FLVCR1: variants seen among roughly 807,000 people sequenced by gnomAD.
FLVCR1 encodes FLVCR choline and heme transporter 1, also known as choline/ethanolamine transporter FLVCR1.
Under a neutral mutation model 53.6 loss-of-function variants are expected in FLVCR1, and 34 were observed. The observed-to-expected ratio is 0.63, with a 90% CI of 0.48 to 0.84. The LOEUF (loss-of-function observed/expected upper bound fraction) is 0.84, where lower values mean the gene tolerates loss of function less well. Ranked by LOEUF, FLVCR1 falls within the 40% of genes least tolerant of loss-of-function variation. The pLI is 0.00. For missense variants in FLVCR1, 677 were observed against 696.7 expected (o/e 0.97, Z 0.32); for synonymous variants, 300 against 286.3 (o/e 1.05, Z -0.48).
At position 212,858,394 on chromosome 1, in the gene FLVCR1, G is replaced by A; in HGVS notation, c.-59G>A. ...CCAGGAGGACCTCGGGCTGTGGGCC[G>A]GGAGAGCGGAGTCGGGGAGTGGGGC... is the stretch of plus-strand genomic sequence containing the variant. On this transcript the variant is annotated 5_prime_UTR_variant, in exon 1 of 10. Coordinates refer to ENST00000366971, the MANE Select transcript of FLVCR1 (RefSeq NM_014053.4). 4 of 1,395,392 alleles carry A rather than the reference G, an allele frequency of 2.9e-6. No individual in the cohort carries two copies. The highest frequency in any genetic ancestry group is 1.5e-5 in the South Asian group (1 of 66,084). The allele number at this position is 1,395,392 out of a possible 1,614,324, so 86.4% of individuals were successfully genotyped here.
chr1:212,888,923 C>T (rs998810327), intron 7 of FLVCR1, among the ~76,000 whole-genome samples: 1 of 152,042 alleles, frequency 6.6e-6, no homozygotes, highest in Non-Finnish European at 1.5e-5. Context: ...CTCCTGGGCT[C>T]AAGCAATTCG....
chr1:212,858,276 G>C lies in FLVCR1; in HGVS notation c.-177G>C, dbSNP rs1172474668. On this transcript the variant is annotated 5_prime_UTR_variant, in exon 1 of 10. Coordinates refer to ENST00000366971, the MANE Select transcript of FLVCR1 (RefSeq NM_014053.4). Reference sequence around the variant, plus strand: ...GACTGCCGCGCGGCGCGGGGGAGGAGACCTTCATCTGTTCACGCGGTAGCG... The same window carrying C: ...GACTGCCGCGCGGCGCGGGGGAGGACACCTTCATCTGTTCACGCGGTAGCG... 10 of 614,222 alleles carry C rather than the reference G, an allele frequency of 1.6e-5. No homozygotes were observed. Among genetic ancestry groups the C allele is most frequent in the Admixed American group, 1.4e-4 (4 of 28,012 alleles). The allele number at this position is 614,222 out of a possible 1,614,324, so 38.0% of individuals were successfully genotyped here.
At chr1:212,860,399 G>A (rs1273071660) in intron 1 of FLVCR1, among the ~76,000 whole-genome samples, 2 of 120,022 alleles carry the variant, frequency 1.7e-5, no homozygotes, top group Non-Finnish European at 3.3e-5. Flanking sequence ...TGTTGCTCAT[G>A]CTTGTCTCGA....
chr1:212,874,903 C>G (rs1211609485), intron 3 of FLVCR1, among the ~76,000 whole-genome samples: 3 of 117,402 alleles, frequency 2.6e-5, no homozygotes, highest in Non-Finnish European at 5.5e-5. Context: ...TATAACCAAC[C>G]CTGTCACAGA....
At chr1:212,871,614 G>C (rs1472301788) in intron 2 of FLVCR1, among the ~76,000 whole-genome samples, 1 of 151,994 alleles carries the variant, frequency 6.6e-6, no homozygotes, top group Admixed American at 6.6e-5. Flanking sequence ...AGACAGTCTT[G>C]TACAAGTGAT....
intron 3 of FLVCR1, among the ~76,000 whole-genome samples, chr1:212,875,216 C>T (rs922803647): frequency 7.2e-5 from 11 of 152,176 alleles, no homozygotes; most frequent in African/African-American, 2.7e-4. Flanking sequence ...GGAAATTGAT[C>T]ATCTAATTGG....
chr1:212,881,390 G>A (rs1020680121), intron 3 of FLVCR1, among the ~76,000 whole-genome samples: 9 of 147,800 alleles, frequency 6.1e-5, no homozygotes, highest in African/African-American at 2.2e-4. Flanking sequence ...CCAGGCTGGA[G>A]TGCAGTGGCA....
At chr1:212,866,775 G>A (rs184716276) in intron 2 of FLVCR1, among the ~76,000 whole-genome samples, 23 of 152,216 alleles carry the variant, frequency 1.5e-4, no homozygotes, top group Admixed American at 2.6e-4. Context: ...GAAAATAATG[G>A]GAAATATGGC....
At chr1:212,886,823 A>G (rs1375264157) in intron 5 of FLVCR1, among the ~76,000 whole-genome samples, 1 of 152,090 alleles carries the variant, frequency 6.6e-6, no homozygotes, top group East Asian at 1.9e-4. Context: ...AAAAAAGAAT[A>G]TACTCTGTTA....
chr1:212,877,686 G>GTTTT (rs56783462), intron 3 of FLVCR1, among the ~76,000 whole-genome samples: 50,856 of 126,390 alleles, frequency 0.4, 10,951 homozygotes, highest in Non-Finnish European at 0.49. Flanking sequence ...TCTGATGATA[G>GTTTT]TTTTTTTTTT....
intron 8 of FLVCR1, among the ~76,000 whole-genome samples, chr1:212,890,794 C>A (rs1314071104): frequency 2.0e-5 from 3 of 152,204 alleles, no homozygotes; most frequent in African/African-American, 7.2e-5. Context: ...AATACCTGAT[C>A]ATTCTTTGTG....
At chr1:212,890,004 G>A (rs946382049) in intron 8 of FLVCR1, among the ~76,000 whole-genome samples, 2 of 152,174 alleles carry the variant, frequency 1.3e-5, no homozygotes, top group African/African-American at 4.8e-5. Context: ...TGTTACTATT[G>A]TTATAATGTG....
rs6679775 is a variant in FLVCR1, at chr1:212,895,643, A to G, written c.*353A>G. On this transcript the variant is annotated 3_prime_UTR_variant, in exon 10 of 10. Transcript: ENST00000366971. ...GAAGCTTAGAATACTTTTTAAAGTG[A>G]TAATATGGGGTGTTCAGTCCCCATA... The G allele has an allele frequency of 0.069, 22,853 of 332,226 alleles. 986 individuals carry two copies. Among genetic ancestry groups the G allele is most frequent in the African/African-American group, 0.14 (6,527 of 46,610 alleles). 20.6% of individuals were successfully genotyped at this position (332,226 alleles called of 1,614,324 possible). A position where few individuals can be genotyped will look rare whatever the true frequency, so the allele number is the denominator to read the frequency against.
chr1:212,893,065 T>TG (rs71495079), intron 8 of FLVCR1, among the ~76,000 whole-genome samples: 21,996 of 142,096 alleles, frequency 0.15, 2,146 homozygotes, highest in African/African-American at 0.27. Context: ...TCTTTTTTTT[T>TG]GGGGGGGGGT....
rs190792955 is a variant in FLVCR1 at position 212,871,772 on chromosome 1, A to G, written c.884-906A>G. Among the ~76,000 whole-genome samples, 290 of 152,330 alleles carry G rather than the reference A, an allele frequency of 1.9e-3. 1 individual carries two copies. Among genetic ancestry groups the G allele is most frequent in the African/African-American group, 6.3e-3 (263 of 41,580 alleles). On this transcript the variant is annotated intron_variant, in intron 2 of 9. Coordinates refer to ENST00000366971, the MANE Select transcript of FLVCR1 (RefSeq NM_014053.4). ...TGGAAAGTTGGTCGATCTTTCCTGC[A>G]CAGCAAAAAGGTGGTCTCTAGATGT...
chr1:212,862,288 C>T (rs139448213), intron 1 of FLVCR1, among the ~76,000 whole-genome samples: 1,563 of 152,246 alleles, frequency 0.01, 30 homozygotes, highest in African/African-American at 0.035. Flanking sequence ...TTTATCCACC[C>T]GCAAAGAAGG....
At chr1:212,873,384 A>C (rs576861378) in intron 3 of FLVCR1, among the ~76,000 whole-genome samples, 1 of 152,130 alleles carries the variant, frequency 6.6e-6, no homozygotes, top group African/African-American at 2.4e-5. Flanking sequence ...GTGAGTTCTC[A>C]TGGAGTATTT....
intron 4 of FLVCR1, among the ~76,000 whole-genome samples, chr1:212,883,861 A>C (rs1418931585): frequency 6.7e-6 from 1 of 149,772 alleles, no homozygotes; most frequent in African/African-American, 2.5e-5. Context: ...TTTTTGGAAA[A>C]GTGGCCCATT....
intron 3 of FLVCR1, among the ~76,000 whole-genome samples, chr1:212,873,619 G>A (rs372237936): frequency 1.3e-5 from 2 of 152,182 alleles, no homozygotes; most frequent in South Asian, 4.1e-4. Context: ...AGCTTTGACT[G>A]CAGACACCAA....
Sources: gnomAD v4.1 joint callset for allele counts (sites outside exome capture counted in the v4.1 genomes callset) on GRCh38, gnomAD v4.1.1 for gene constraint, MANE v1.5 for transcripts, NCBI Gene and HGNC (gene_info 2026-07-23, HGNC 2026-07-21) for gene names.